CSMD1: variants seen among roughly 807,000 people sequenced by gnomAD.
The protein encoded by CSMD1 is CUB and Sushi multiple domains 1.
CSMD1 carries 213 observed loss-of-function variants against 417.5 expected under a neutral mutation model. The observed-to-expected ratio is 0.51, with a 90% CI of 0.46 to 0.57. The LOEUF is 0.57. CSMD1 is among the 20% of genes least tolerant of loss of function. The pLI is 0.00. For synonymous variants in CSMD1, 2,862 were observed against 1,736.8 expected, an observed-to-expected ratio of 1.65 and a Z score of -16.11; for missense variants, 6,923 against 4,529.7, an observed-to-expected ratio of 1.53 and a Z score of -15.17.
Position 4,879,241 on chromosome 8 carries a change from C to G in CSMD1, c.85+115091G>C, listed in dbSNP as rs542591622. Among the ~76,000 whole-genome samples the G allele has an allele frequency of 2.0e-5, 3 of 151,940 alleles. No homozygotes were observed. The South Asian group carries it at 6.2e-4, about 32-fold the overall frequency. ...TCATGAACAGGGACAAGGACATCAA[C>G]TCGAGGAAAGGTTGCGGAAATGGAA... On this transcript the variant is annotated intron_variant, in intron 1 of 69. Transcript: ENST00000635120.
At chr8:4,634,849 A>G (rs1802730388) in intron 2 of CSMD1, among the ~76,000 whole-genome samples, 1 of 151,984 alleles carries the variant, frequency 6.6e-6, no homozygotes, top group Admixed American at 6.6e-5. Context: ...TCACATCTCT[A>G]TTTATTTCAC....
intron 2 of CSMD1, among the ~76,000 whole-genome samples, chr8:4,425,938 G>C (rs918969053): frequency 2.6e-5 from 4 of 151,972 alleles, no homozygotes; most frequent in South Asian, 4.1e-4. Context: ...AAAAATACAA[G>C]CATGCTAAAG....
intron 1 of CSMD1, among the ~76,000 whole-genome samples, chr8:4,865,330 G>C (rs990018289): frequency 6.6e-6 from 1 of 151,618 alleles, no homozygotes; most frequent in Non-Finnish European, 1.5e-5. Flanking sequence ...TAAGAATCTC[G>C]TAACTTACTG....
chr8:4,427,518 C>T (rs1303188367), intron 2 of CSMD1, among the ~76,000 whole-genome samples: 6 of 151,966 alleles, frequency 3.9e-5, no homozygotes, highest in Admixed American at 2.0e-4. Context: ...CACACATGCA[C>T]ACTCAAACAC....
intron 3 of CSMD1, among the ~76,000 whole-genome samples, chr8:4,141,043 T>C (rs1466805470): frequency 6.6e-6 from 1 of 151,284 alleles, no homozygotes; most frequent in African/African-American, 2.5e-5. Context: ...GTTTCATCTA[T>C]TTAGTTCTAA....
At chr8:4,320,785 C>A (rs1326362948) in intron 3 of CSMD1, among the ~76,000 whole-genome samples, 1 of 152,108 alleles carries the variant, frequency 6.6e-6, no homozygotes, top group African/African-American at 2.4e-5. Context: ...GGTGATTCCT[C>A]AAGGATCTAG....
At chr8:4,460,664 CTG>C (rs774189453) in intron 2 of CSMD1, among the ~76,000 whole-genome samples, 4 of 131,020 alleles carry the variant, frequency 3.1e-5, no homozygotes, top group Non-Finnish European at 6.0e-5. Flanking sequence ...AAGAAGAAGA[CTG>C]TAAGAGAATT....
At chr8:3,171,603 C>G (rs556345050) in intron 37 of CSMD1, among the ~76,000 whole-genome samples, 1 of 152,106 alleles carries the variant, frequency 6.6e-6, no homozygotes, top group Non-Finnish European at 1.5e-5. Context: ...TACTGTAGAA[C>G]AGAGAATTCT....
intron 1 of CSMD1, among the ~76,000 whole-genome samples, chr8:4,743,222 T>A (rs932250468): frequency 1.3e-5 from 2 of 152,234 alleles, no homozygotes; most frequent in African/African-American, 4.8e-5. Flanking sequence ...GAGGTCACAT[T>A]ATTTTAGACA....
intron 11 of CSMD1, among the ~76,000 whole-genome samples, chr8:3,474,782 G>C (rs1817313251): frequency 1.3e-5 from 2 of 152,108 alleles, no homozygotes; most frequent in Admixed American, 1.3e-4. Flanking sequence ...TACACAACTA[G>C]TCTTGCTTTC....
intron 33 of CSMD1, among the ~76,000 whole-genome samples, chr8:3,195,479 G>A (rs1158071658): frequency 6.6e-6 from 1 of 152,228 alleles, no homozygotes; most frequent in South Asian, 2.1e-4. Flanking sequence ...CCTGGAAGAA[G>A]CAGACTGTGC....
intron 3 of CSMD1, among the ~76,000 whole-genome samples, chr8:4,097,443 C>A (rs1418440478): frequency 1.3e-5 from 2 of 152,144 alleles, no homozygotes; most frequent in African/African-American, 4.8e-5. Flanking sequence ...AATAAAGCAT[C>A]TTTCATTAAA....
intron 7 of CSMD1, among the ~76,000 whole-genome samples, chr8:3,631,577 G>A (rs540086185): frequency 1.6e-3 from 243 of 152,322 alleles, no homozygotes; most frequent in Admixed American, 2.8e-3. Flanking sequence ...ATGACGCTAA[G>A]AAGCCAAATC....
intron 23 of CSMD1, among the ~76,000 whole-genome samples, chr8:3,335,698 A>C (rs1807213827): frequency 6.6e-6 from 1 of 152,162 alleles, no homozygotes; most frequent in South Asian, 2.1e-4. Context: ...ATAATAAATA[A>C]AGGTTAATGG....
intron 5 of CSMD1, among the ~76,000 whole-genome samples, chr8:3,914,658 G>C (rs752657452): frequency 3.9e-5 from 6 of 152,108 alleles, no homozygotes; most frequent in African/African-American, 1.4e-4. Flanking sequence ...CCTAGTCCAC[G>C]TTAGTATGCA....
chr8:4,076,622 G>A (rs1799834830), intron 3 of CSMD1, among the ~76,000 whole-genome samples: 1 of 152,166 alleles, frequency 6.6e-6, no homozygotes, highest in South Asian at 2.1e-4. Context: ...ATAGTTGCCT[G>A]TTACCTTTAT....
intron 1 of CSMD1, among the ~76,000 whole-genome samples, chr8:4,695,798 G>C (rs970541667): frequency 2.0e-5 from 3 of 152,200 alleles, no homozygotes; most frequent in Non-Finnish European, 4.4e-5. Flanking sequence ...ACAGCCTCTA[G>C]AATATTTTTA....
At chr8:3,979,139 C>G (rs56204292) in intron 5 of CSMD1, among the ~76,000 whole-genome samples, 32,374 of 152,190 alleles carry the variant, frequency 0.21, 3,648 homozygotes, top group East Asian at 0.4. Context: ...CATGGGGCCT[C>G]AGGCCCTGAT....
intron 2 of CSMD1, among the ~76,000 whole-genome samples, chr8:4,537,489 C>G (rs775779496): frequency 6.6e-6 from 1 of 151,968 alleles, no homozygotes; most frequent in Non-Finnish European, 1.5e-5. Context: ...GTCATATATT[C>G]CAGAATTTGG....
Sources: gnomAD v4.1 joint callset for allele counts (sites outside exome capture counted in the v4.1 genomes callset) on GRCh38, gnomAD v4.1.1 for gene constraint, MANE v1.5 for transcripts, NCBI Gene and HGNC (gene_info 2026-07-23, HGNC 2026-07-21) for gene names.